Variants in DAB1 observed in about 807,000 individuals in gnomAD.
DAB1 encodes the protein disabled homolog 1.
DAB1 carries 15 observed loss-of-function variants against 64.6 expected under a neutral mutation model. The observed-to-expected ratio is 0.23, with a 90% CI of 0.16 to 0.36. The LOEUF (loss-of-function observed/expected upper bound fraction) is 0.36, where lower values mean the gene tolerates loss of function less well. Ranked by LOEUF, DAB1 falls within the 10% of genes least tolerant of loss-of-function variation. DAB1 has a pLI of 1.00. For missense variants in DAB1, 596 were observed against 706.7 expected (o/e 0.84, Z 1.78); for synonymous variants, 235 against 251.9 (o/e 0.93, Z 0.64).
intron 5 of DAB1, among the ~76,000 whole-genome samples, chr1:57,929,034 T>A (rs1475056519): frequency 1.3e-5 from 2 of 152,242 alleles, no homozygotes; most frequent in African/African-American, 4.8e-5. Context: ...CCAAAGTGGC[T>A]ATACCATGTT....
intron 5 of DAB1, among the ~76,000 whole-genome samples, chr1:58,029,282 AG>A (rs1238294025): frequency 6.6e-6 from 1 of 152,210 alleles, no homozygotes; most frequent in African/African-American, 2.4e-5. Context: ...CAGGGTTCTG[AG>A]AGCAAAAGAA....
At chr1:57,725,743 C>T (rs1399824964) in intron 6 of DAB1, among the ~76,000 whole-genome samples, 2 of 149,136 alleles carry the variant, frequency 1.3e-5, no homozygotes, top group African/African-American at 2.6e-5. Context: ...ATTCATTTAA[C>T]TGTTCTTTTC....
intron 7 of DAB1, among the ~76,000 whole-genome samples, chr1:57,537,425 C>T (rs1046493767): frequency 1.3e-5 from 2 of 152,206 alleles, no homozygotes; most frequent in African/African-American, 4.8e-5. Context: ...CCACATATTA[C>T]CTTGGGCTTT....
At chr1:58,106,992 T>G (rs1344971665) in intron 5 of DAB1, among the ~76,000 whole-genome samples, 1 of 151,800 alleles carries the variant, frequency 6.6e-6, no homozygotes, top group Non-Finnish European at 1.5e-5. Flanking sequence ...ATTGAGCATC[T>G]ACATCTACTA....
At chr1:57,072,982 C>T (rs1384705200) in intron 4 of DAB1, among the ~76,000 whole-genome samples, 1 of 152,194 alleles carries the variant, frequency 6.6e-6, no homozygotes, top group Non-Finnish European at 1.5e-5. Context: ...ATATCTCAGG[C>T]TTTTCATTGG....
At chr1:57,297,855 G>A (rs573786799) in intron 1 of DAB1, among the ~76,000 whole-genome samples, 1 of 152,072 alleles carries the variant, frequency 6.6e-6, no homozygotes, top group Admixed American at 6.5e-5. Flanking sequence ...TTTTATGGCT[G>A]CCAGTTCTGA....
At chr1:58,201,872 G>C (rs1240539467) in intron 4 of DAB1, among the ~76,000 whole-genome samples, 4 of 152,162 alleles carry the variant, frequency 2.6e-5, no homozygotes, top group African/African-American at 9.7e-5. Context: ...TGGGAGGAGT[G>C]ACTTGATGTA....
chr1:57,509,333 A>C (rs1418720432), intron 7 of DAB1, among the ~76,000 whole-genome samples: 1 of 152,120 alleles, frequency 6.6e-6, no homozygotes, highest in Non-Finnish European at 1.5e-5. Context: ...TGCATTGTGG[A>C]CCTATGATGT....
intron 5 of DAB1, among the ~76,000 whole-genome samples, chr1:58,110,589 T>TA (rs1464804148): frequency 6.6e-6 from 1 of 152,178 alleles, no homozygotes; most frequent in Non-Finnish European, 1.5e-5. Context: ...CACTCACACA[T>TA]TATTGTCCAG....
intron 1 of DAB1, among the ~76,000 whole-genome samples, chr1:57,363,961 A>G (rs546252224): frequency 6.6e-6 from 1 of 152,288 alleles, no homozygotes; most frequent in South Asian, 2.1e-4. Flanking sequence ...AAAGGGACCT[A>G]AAATTGAATA....
Position 58,076,226 on chromosome 1 carries a change from T to C in DAB1, n.387+74285A>G, listed in dbSNP as rs548270785. ...TCTTAATCTTCAGAACAACTATATA[T>C]GTATACTAATATCACAAGCTCCATT... On this transcript the variant is annotated intron_variant and non_coding_transcript_variant, in intron 5 of 20. Transcript: ENST00000485760. Among the ~76,000 whole-genome samples the C allele has an allele frequency of 5.9e-5, 9 of 152,270 alleles. No homozygotes were observed. In the Middle Eastern group the frequency reaches 0.01, roughly 173 times the overall value.
At chr1:57,099,479 A>G (rs912127156) in intron 4 of DAB1, among the ~76,000 whole-genome samples, 1 of 152,222 alleles carries the variant, frequency 6.6e-6, no homozygotes, top group African/African-American at 2.4e-5. Context: ...AATGAATGAA[A>G]CACTAATAGT....
At chr1:58,369,850 G>C (rs1644248893) in intron 3 of DAB1, among the ~76,000 whole-genome samples, 1 of 152,132 alleles carries the variant, frequency 6.6e-6, no homozygotes, top group Non-Finnish European at 1.5e-5. Context: ...TTTCCCTTCA[G>C]TTAATCAGAA....
chr1:57,465,590 T>G (rs570113670), intron 7 of DAB1, among the ~76,000 whole-genome samples: 5 of 152,340 alleles, frequency 3.3e-5, no homozygotes, highest in African/African-American at 1.2e-4. Context: ...TAATATAGTT[T>G]GAAATTCTTT....
At chr1:57,966,180 G>T (rs1363511887) in intron 5 of DAB1, among the ~76,000 whole-genome samples, 1 of 152,126 alleles carries the variant, frequency 6.6e-6, no homozygotes, top group African/African-American at 2.4e-5. Flanking sequence ...TTTAATATCG[G>T]TCTGTCTTGA....
chr1:58,293,004 T>G (rs1254361816), intron 4 of DAB1, among the ~76,000 whole-genome samples: 1 of 151,534 alleles, frequency 6.6e-6, no homozygotes, highest in African/African-American at 2.4e-5. Flanking sequence ...TGAGGTGAAA[T>G]TGAGGTAGAG....
intron 1 of DAB1, among the ~76,000 whole-genome samples, chr1:57,336,630 A>T (rs1677102459): frequency 6.6e-6 from 1 of 152,218 alleles, no homozygotes; most frequent in Non-Finnish European, 1.5e-5. Flanking sequence ...CAAATTAAGC[A>T]TGCAGGATTT....
At chr1:58,063,369 G>A (rs34649960) in intron 5 of DAB1, among the ~76,000 whole-genome samples, 8,978 of 152,098 alleles carry the variant, frequency 0.059, 427 homozygotes, top group African/African-American at 0.13. Context: ...AAAAATCAGA[G>A]GAAATGTTTC....
At chr1:58,252,272 C>A (rs1660820382) in intron 4 of DAB1, among the ~76,000 whole-genome samples, 1 of 152,172 alleles carries the variant, frequency 6.6e-6, no homozygotes, top group Non-Finnish European at 1.5e-5. Context: ...CTTCTCTCAG[C>A]ATCTGGGATG....
Sources: allele counts gnomAD v4.1 joint callset (sites outside exome capture counted in the v4.1 genomes callset), GRCh38; gene constraint gnomAD v4.1.1; transcripts MANE v1.5; gene names NCBI Gene and HGNC (gene_info 2026-07-23, HGNC 2026-07-21).